C12orf42: variants seen among roughly 807,000 people sequenced by gnomAD.
The protein encoded by C12orf42 is chromosome 12 open reading frame 42.
A neutral mutation model predicts 21.6 loss-of-function variants in C12orf42; 25 were observed. That is an observed-to-expected ratio of 1.16 (90% CI 0.84 to 1.62). The LOEUF (loss-of-function observed/expected upper bound fraction) is 1.62, where lower values mean the gene tolerates loss of function less well. C12orf42 is among the 40% of genes most tolerant of loss of function. The pLI is 0.00. For missense variants in C12orf42, 483 were observed against 459.3 expected (o/e 1.05, Z -0.47); for synonymous variants, 174 against 175.0 (o/e 0.99, Z 0.05).
At chr12:103,195,174 A>G in the C12orf42 span, among the ~76,000 whole-genome samples, 3 of 152,192 alleles carry the variant, frequency 2.0e-5, no homozygotes, top group Admixed American at 2.0e-4. Context: ...TATGTACCAC[A>G]TTTTCTTTAT....
the C12orf42 span, among the ~76,000 whole-genome samples, chr12:103,072,999 A>T: frequency 0.011 from 1,629 of 152,240 alleles, 12 homozygotes; most frequent in South Asian, 0.019. Context: ...ATCTAGCCAC[A>T]AAAAAAGAAT....
chr12:103,265,227 G>T (rs2035106288), downstream of C12orf42, among the ~76,000 whole-genome samples: 1 of 152,116 alleles, frequency 6.6e-6, no homozygotes, highest in Non-Finnish European at 1.5e-5. Flanking sequence ...TTAGGGATTA[G>T]AATTTCAACA....
At chr12:103,280,339 C>T (rs2036028728) in intron 4 of C12orf42, among the ~76,000 whole-genome samples, 1 of 152,070 alleles carries the variant, frequency 6.6e-6, no homozygotes, top group Non-Finnish European at 1.5e-5. Context: ...TGAGTGGGGC[C>T]GGGTGCGGTG....
the C12orf42 span, among the ~76,000 whole-genome samples, chr12:103,160,918 T>C: frequency 3.9e-5 from 6 of 152,300 alleles, no homozygotes; most frequent in East Asian, 9.6e-4. Flanking sequence ...CCCTGTGGAG[T>C]AATTTGCTTA....
the C12orf42 span, among the ~76,000 whole-genome samples, chr12:103,541,466 G>A: frequency 2.6e-5 from 4 of 152,086 alleles, no homozygotes; most frequent in African/African-American, 9.7e-5. Context: ...ATGTCACAGT[G>A]CAACTCATTA....
the C12orf42 span, among the ~76,000 whole-genome samples, chr12:103,111,489 C>A: frequency 6.6e-6 from 1 of 152,178 alleles, no homozygotes; most frequent in South Asian, 2.1e-4. Flanking sequence ...GTGCTTACTA[C>A]ATATATTCAA....
the C12orf42 span, among the ~76,000 whole-genome samples, chr12:103,195,760 C>T: frequency 6.6e-6 from 1 of 151,952 alleles, no homozygotes; most frequent in Non-Finnish European, 1.5e-5. Context: ...TTGACAATTT[C>T]CTTTGCTGTG....
chr12:103,133,350 A>G, the C12orf42 span, among the ~76,000 whole-genome samples: 1 of 152,160 alleles, frequency 6.6e-6, no homozygotes, highest in East Asian at 1.9e-4. Context: ...TACCCAGTCC[A>G]CTATTGTTAC....
chr12:103,520,115 C>A, the C12orf42 span, among the ~76,000 whole-genome samples: 1 of 152,156 alleles, frequency 6.6e-6, no homozygotes, highest in African/African-American at 2.4e-5. Flanking sequence ...ATCCACAAGA[C>A]TCAGAATAGG....
At chr12:103,202,519 A>T in the C12orf42 span, among the ~76,000 whole-genome samples, 2 of 152,202 alleles carry the variant, frequency 1.3e-5, no homozygotes, top group African/African-American at 2.4e-5. Flanking sequence ...AGTTGAGTCT[A>T]ACTGGAAAAT....
intron 4 of C12orf42, among the ~76,000 whole-genome samples, chr12:103,358,062 A>G (rs2043743644): frequency 6.6e-6 from 1 of 152,068 alleles, no homozygotes. Flanking sequence ...GTCTGCTGTC[A>G]TTTGGGGTGA....
At chr12:103,122,337 C>A in the C12orf42 span, among the ~76,000 whole-genome samples, 1 of 152,172 alleles carries the variant, frequency 6.6e-6, no homozygotes, top group African/African-American at 2.4e-5. Flanking sequence ...ATGTGCAGAG[C>A]AATAGGCTTT....
the C12orf42 span, among the ~76,000 whole-genome samples, chr12:103,098,516 A>C: frequency 6.6e-6 from 1 of 152,232 alleles, no homozygotes; most frequent in Non-Finnish European, 1.5e-5. Flanking sequence ...CTGCAAAAAC[A>C]ATTCAAAGTC....
At chr12:103,192,502 C>CAAA in the C12orf42 span, among the ~76,000 whole-genome samples, 2,140 of 104,434 alleles carry the variant, frequency 0.02, 63 homozygotes, top group African/African-American at 0.078. Flanking sequence ...GACTCCATCT[C>CAAA]AAAAAAAAAA....
At chr12:103,239,485 T>C (rs1488640064) in intron 10 of C12orf42, among the ~76,000 whole-genome samples, 2 of 152,196 alleles carry the variant, frequency 1.3e-5, no homozygotes, top group Non-Finnish European at 2.9e-5. Flanking sequence ...CAATTTTGGT[T>C]GCAACTGGCC....
chr12:103,248,290 T>G (rs1356196265), intron 10 of C12orf42, among the ~76,000 whole-genome samples: 2 of 152,044 alleles, frequency 1.3e-5, no homozygotes, highest in Non-Finnish European at 2.9e-5. Context: ...CAATATTCAT[T>G]TACATCTATG....
chr12:103,496,418 A>T (rs1480857199), upstream of C12orf42, among the ~76,000 whole-genome samples: 2 of 152,074 alleles, frequency 1.3e-5, no homozygotes, highest in Admixed American at 6.5e-5. Flanking sequence ...GGATACTTTT[A>T]ATCCAAAGTC....
chr12:103,426,642 C>A (rs1225157697), intron 2 of C12orf42, among the ~76,000 whole-genome samples: 2 of 152,196 alleles, frequency 1.3e-5, no homozygotes, highest in African/African-American at 4.8e-5. Context: ...AGAAGAGCAA[C>A]CCCAAGACAC....
intron 2 of C12orf42, among the ~76,000 whole-genome samples, chr12:103,405,776 A>G (rs765573651): frequency 2.0e-5 from 3 of 152,104 alleles, no homozygotes; most frequent in Non-Finnish European, 4.4e-5. Context: ...TTAAACTACT[A>G]CCAAATAAAA....
Sources: allele counts gnomAD v4.1 joint callset (sites outside exome capture counted in the v4.1 genomes callset), GRCh38; gene constraint gnomAD v4.1.1; transcripts MANE v1.5; gene names NCBI Gene and HGNC (gene_info 2026-07-23, HGNC 2026-07-21).